DAB1: variants seen among roughly 807,000 people sequenced by gnomAD.
DAB1 encodes DAB adaptor protein 1.
Under a neutral mutation model 64.6 loss-of-function variants are expected in DAB1, and 15 were observed. The ratio of observed to expected loss-of-function variants is 0.23; its 90% CI spans 0.16 to 0.36. The LOEUF (loss-of-function observed/expected upper bound fraction) is 0.36. DAB1 is among the 10% of genes least tolerant of loss of function. The pLI is 1.00. For missense variants in DAB1, 596 were observed against 706.7 expected, an observed-to-expected ratio of 0.84 and a Z score of 1.78; for synonymous variants, 235 against 251.9, an observed-to-expected ratio of 0.93 and a Z score of 0.64.
chr1:58,495,580 CA>C (rs59574373), intron 3 of DAB1, among the ~76,000 whole-genome samples: 45,613 of 151,668 alleles, frequency 0.3, 7,808 homozygotes, highest in Non-Finnish European at 0.37. Context: ...TTTAAACAAA[CA>C]AAACTGTATA....
intron 4 of DAB1, among the ~76,000 whole-genome samples, chr1:58,336,226 T>A (rs567447722): frequency 6.6e-6 from 1 of 152,316 alleles, no homozygotes; most frequent in East Asian, 1.9e-4. Context: ...ATCCAGGACA[T>A]ACCAATTCCC....
At chr1:57,782,881 G>C (rs186534943) in intron 6 of DAB1, among the ~76,000 whole-genome samples, 2 of 152,168 alleles carry the variant, frequency 1.3e-5, no homozygotes, top group African/African-American at 4.8e-5. Flanking sequence ...CATCTGCGAT[G>C]GGGTTTAGAA....
intron 5 of DAB1, among the ~76,000 whole-genome samples, chr1:57,959,077 C>T (rs1645455968): frequency 6.6e-6 from 1 of 152,172 alleles, no homozygotes. Flanking sequence ...GGCAGAAAGC[C>T]ACTGTAGTCA....
chr1:57,881,881 G>A (rs1644149877), intron 1 of DAB1, among the ~76,000 whole-genome samples: 1 of 152,208 alleles, frequency 6.6e-6, no homozygotes, highest in Non-Finnish European at 1.5e-5. Context: ...TAAAAGGAAA[G>A]ATTATTCTCA....
intron 4 of DAB1, among the ~76,000 whole-genome samples, chr1:57,080,492 A>G (rs1652396893): frequency 6.6e-6 from 1 of 152,216 alleles, no homozygotes; most frequent in African/African-American, 2.4e-5. Context: ...CAACAGCTAT[A>G]AAAAGTCAGC....
chr1:58,335,346 CA>C (rs1354533661), intron 4 of DAB1, among the ~76,000 whole-genome samples: 1 of 152,168 alleles, frequency 6.6e-6, no homozygotes, highest in African/African-American at 2.4e-5. Context: ...GCCAAAACCT[CA>C]GGCAACTTAC....
intron 3 of DAB1, among the ~76,000 whole-genome samples, chr1:58,487,182 C>G (rs1165757588): frequency 6.6e-6 from 1 of 152,074 alleles, no homozygotes; most frequent in Admixed American, 6.5e-5. Flanking sequence ...GGAGCAGTGG[C>G]GAAGTTGAGA....
intron 1 of DAB1, among the ~76,000 whole-genome samples, chr1:58,537,493 T>G (rs1004262633): frequency 1.3e-5 from 2 of 152,014 alleles, no homozygotes; most frequent in African/African-American, 2.4e-5. Context: ...AAGTGGGAGA[T>G]TTTATAGATA....
chr1:57,027,469 C>T (rs529861621), intron 9 of DAB1, among the ~76,000 whole-genome samples: 2 of 152,296 alleles, frequency 1.3e-5, no homozygotes, highest in African/African-American at 2.4e-5. Flanking sequence ...CATACTTTCT[C>T]TAATAAGTCT....
chr1:58,149,447 G>A lies in DAB1; in HGVS notation n.387+1064C>T, dbSNP rs551486361. On this transcript the variant is annotated intron_variant and non_coding_transcript_variant, in intron 5 of 20. Transcript: ENST00000485760. ...CTTTAGGGCAGGCATATAGCAGGAAGGAAGCCATCAACTGTCTGCCCTTAG... is the reference window on the plus strand; with the variant it reads ...CTTTAGGGCAGGCATATAGCAGGAAAGAAGCCATCAACTGTCTGCCCTTAG... Among the ~76,000 whole-genome samples the A allele has an allele frequency of 2.4e-3, 369 of 152,302 alleles. 2 individuals carry two copies. Among genetic ancestry groups the A allele is most frequent in the Non-Finnish European group, 3.7e-3 (250 of 68,028 alleles).
At position 57,755,429 on chromosome 1, in the gene DAB1, T is replaced by G. The variant is rs556674807; in HGVS notation, n.552-105764A>C. Among the ~76,000 whole-genome samples the G allele has an allele frequency of 1.1e-3, 166 of 152,316 alleles. 3 individuals are homozygous for G. In the South Asian group the frequency reaches 0.014, roughly 13 times the overall value. ...TAAAGGTCCGACATGAGAAATTCAT[T>G]CAATAAGAATTTATTGAGCCATGGG... On this transcript the variant is annotated intron_variant and non_coding_transcript_variant, in intron 6 of 20. Transcript: ENST00000485760.
At chr1:57,717,247 G>C (rs1647094885) in intron 6 of DAB1, among the ~76,000 whole-genome samples, 1 of 144,822 alleles carries the variant, frequency 6.9e-6, no homozygotes. Context: ...AAATTTAAAA[G>C]AATAAATAAA....
At chr1:58,464,968 ACAGACT>A in intron 3 of DAB1, among the ~76,000 whole-genome samples, 1 of 152,356 alleles carries the variant, frequency 6.6e-6, no homozygotes, top group South Asian at 2.1e-4. Context: ...TAAGGCAGAA[ACAGACT>A]CAGAAGAGCT....
chr1:57,526,300 A>C (rs1156570262), intron 7 of DAB1, among the ~76,000 whole-genome samples: 5 of 152,188 alleles, frequency 3.3e-5, no homozygotes, highest in Non-Finnish European at 7.3e-5. Context: ...GGTAGGGACT[A>C]TTTATATCTA....
At chr1:57,661,329 T>C (rs933993156) in intron 6 of DAB1, among the ~76,000 whole-genome samples, 2 of 152,178 alleles carry the variant, frequency 1.3e-5, no homozygotes, top group African/African-American at 4.8e-5. Flanking sequence ...TGTGTAATCT[T>C]GACTATTATA....
intron 4 of DAB1, among the ~76,000 whole-genome samples, chr1:58,340,956 T>C (rs1643923774): frequency 6.6e-6 from 1 of 152,210 alleles, no homozygotes; most frequent in Admixed American, 6.6e-5. Context: ...AGACGGCAGA[T>C]TCAAAGGGTT....
chr1:57,690,127 AG>A (rs1646746640), intron 6 of DAB1, among the ~76,000 whole-genome samples: 1 of 152,186 alleles, frequency 6.6e-6, no homozygotes, highest in South Asian at 2.1e-4. Flanking sequence ...ATTGTGTAAA[AG>A]TACCCATATT....
chr1:58,434,910 C>G (rs1644925012), intron 3 of DAB1, among the ~76,000 whole-genome samples: 1 of 152,188 alleles, frequency 6.6e-6, no homozygotes, highest in African/African-American at 2.4e-5. Flanking sequence ...ACCATTTTAC[C>G]AAAGCTTCTT....
At chr1:57,427,892 G>A (rs968282528), upstream of DAB1, among the ~76,000 whole-genome samples, 1 of 152,166 alleles carries the variant, frequency 6.6e-6, no homozygotes, top group Non-Finnish European at 1.5e-5. Flanking sequence ...TTAGGGCAGG[G>A]CATGGTGGCT....
Sources: gnomAD v4.1 joint callset for allele counts (sites outside exome capture counted in the v4.1 genomes callset) on GRCh38, gnomAD v4.1.1 for gene constraint, MANE v1.5 for transcripts, NCBI Gene and HGNC (gene_info 2026-07-23, HGNC 2026-07-21) for gene names.